The following RUNX1T1 variants were observed in gnomAD, a reference collection of about 807,000 sequenced individuals.
The protein encoded by RUNX1T1 is RUNX1 partner transcriptional co-repressor 1.
RUNX1T1 carries 4 observed loss-of-function variants against 62.8 expected under a neutral mutation model. That is an observed-to-expected ratio of 0.06 (90% confidence interval 0.03 to 0.15). The LOEUF (loss-of-function observed/expected upper bound fraction) is 0.15, where lower values mean the gene tolerates loss of function less well. Ranked by LOEUF, RUNX1T1 falls within the 10% of genes least tolerant of loss-of-function variation. RUNX1T1 has a pLI of 1.00. For synonymous variants in RUNX1T1, 291 were observed against 286.0 expected, an observed-to-expected ratio of 1.02 and a Z score of -0.18; for missense variants, 508 against 754.3, an observed-to-expected ratio of 0.67 and a Z score of 3.82.
downstream of RUNX1T1, chr8:91,955,177 C>T (rs1432849725): frequency 1.8e-5 from 4 of 216,612 alleles, no homozygotes; most frequent in Non-Finnish European, 3.7e-5. Context: ...AAGTCTCATA[C>T]TGTTCGCGTA....
chr8:92,077,950 T>C (rs190129805), intron 1 of RUNX1T1, among the ~76,000 whole-genome samples: 1 of 152,274 alleles, frequency 6.6e-6, no homozygotes. Context: ...ATTTGGAATA[T>C]ACTGCTTTAC....
chr8:92,095,163 C>A (rs1837605656), intron 1 of RUNX1T1: 4 of 1,535,276 alleles, frequency 2.6e-6, no homozygotes, highest in Admixed American at 2.0e-5. Flanking sequence ...TGTAAATTCT[C>A]TCCGCCAGCT....
intron 1 of RUNX1T1, among the ~76,000 whole-genome samples, chr8:92,058,919 A>G (rs778738597): frequency 2.2e-4 from 33 of 152,160 alleles, no homozygotes; most frequent in Non-Finnish European, 4.3e-4. Context: ...CCCCTTCAAG[A>G]AAAAGATTAA....
intron 1 of RUNX1T1, chr8:92,017,785 A>C: frequency 3.5e-6 from 1 of 289,116 alleles, no homozygotes; most frequent in Non-Finnish European, 5.7e-6. Flanking sequence ...TACTGGTAGG[A>C]GCCAGCTCTT....
intron 1 of RUNX1T1, chr8:92,095,667 A>T: frequency 1.2e-6 from 1 of 848,814 alleles, no homozygotes; most frequent in Non-Finnish European, 1.6e-6. Flanking sequence ...GGAGAGACAC[A>T]GGCAGGAGGG....
chr8:92,042,215 C>T lies in RUNX1T1; in HGVS notation c.7+20331G>A, dbSNP rs116669764. ...TGCTGCCTATGATATCATGATGATA[C>T]GCAGAAACAGTCCAGATAGGTTGTT... is the stretch of plus-strand genomic sequence containing the variant. On this transcript the variant is annotated intron_variant, in intron 1 of 10. Transcript: ENST00000396218. 5.3e-3 allele frequency among the ~76,000 whole-genome samples: 808 copies of T among 152,274 alleles called. 7 individuals are homozygous for T. Among genetic ancestry groups the T allele is most frequent in the African/African-American group, 0.018 (735 of 41,556 alleles).
At chr8:92,017,446 A>G in intron 1 of RUNX1T1, 83 bp from the exon 3 acceptor site, 2 of 1,603,772 alleles carry the variant, frequency 1.2e-6, no homozygotes, top group Non-Finnish European at 1.7e-6. Flanking sequence ...TTTAAAAGCA[A>G]GTGAACAGAA....
intron 10 of RUNX1T1, among the ~76,000 whole-genome samples, chr8:91,962,890 G>A (rs973833668): frequency 2.0e-5 from 3 of 152,180 alleles, no homozygotes; most frequent in African/African-American, 2.4e-5. Flanking sequence ...GCAGAGGCAC[G>A]TTTTGGCAGA....
chr8:92,071,100 C>T (rs886871635), intron 2 of RUNX1T1: 1 of 152,256 alleles, frequency 6.6e-6, no homozygotes, highest in African/African-American at 2.4e-5. Context: ...CATTACTGTG[C>T]AAATATTATT....
At chr8:92,008,388 T>TCTCACACACACACACA (rs1554617950) in intron 4 of RUNX1T1, among the ~76,000 whole-genome samples, 12 of 131,898 alleles carry the variant, frequency 9.1e-5, no homozygotes, top group African/African-American at 2.6e-4. Context: ...TCTCTCTCTC[T>TCTCACACACACACACA]CACACACACA....
Position 92,076,318 on chromosome 8 carries a change from A to G in RUNX1T1, c.-85-181T>C, listed in dbSNP as rs895717170. 2.6e-5 allele frequency among the ~76,000 whole-genome samples: 4 copies of G among 151,986 alleles called. 1 individual carries two copies. The highest frequency in any genetic ancestry group is 5.9e-5 in the Non-Finnish European group (4 of 67,958). ...AACAATCCCCATTGTCTCAGTTCCT[A>G]TCATGATGTTTTCTAAAGGACTCTT... On this transcript the variant is annotated intron_variant, in intron 1 of 11. Transcript: ENST00000265814.
At chr8:91,959,198 AG>A (rs1809844543) in exon 11 of RUNX1T1, 1 of 217,574 alleles carries the variant, frequency 4.6e-6, no homozygotes, top group African/African-American at 2.2e-5. Context: ...AAATCCAAAC[AG>A]GGTGGGGTTG....
intron 1 of RUNX1T1, among the ~76,000 whole-genome samples, chr8:92,089,586 C>T (rs117098806): frequency 6.6e-6 from 1 of 152,216 alleles, no homozygotes; most frequent in Non-Finnish European, 1.5e-5. Flanking sequence ...CCTAGCCCCT[C>T]ACTCCCACCC....
chr8:92,053,436 T>A (rs1282694390), intron 1 of RUNX1T1, among the ~76,000 whole-genome samples: 1 of 152,174 alleles, frequency 6.6e-6, no homozygotes, highest in Non-Finnish European at 1.5e-5. Context: ...GAGAGTCCAT[T>A]TCCAAAATAT....
intron 1 of RUNX1T1, among the ~76,000 whole-genome samples, chr8:92,083,107 T>C (rs1835537421): frequency 6.6e-6 from 1 of 152,228 alleles, no homozygotes; most frequent in South Asian, 2.1e-4. Context: ...TTAAAGCCCA[T>C]TTATGAACTT....
At chr8:92,049,154 C>T (rs1829862180) in intron 1 of RUNX1T1, among the ~76,000 whole-genome samples, 2 of 152,128 alleles carry the variant, frequency 1.3e-5, no homozygotes, top group Admixed American at 6.6e-5. Context: ...AATGAAAATA[C>T]ATATAAGGTG....
At chr8:92,026,499 G>A (rs967543798) in intron 1 of RUNX1T1, among the ~76,000 whole-genome samples, 3 of 152,198 alleles carry the variant, frequency 2.0e-5, no homozygotes, top group Non-Finnish European at 4.4e-5. Context: ...CTCAGTAAAC[G>A]TTAAATCTGT....
upstream of RUNX1T1, among the ~76,000 whole-genome samples, chr8:92,067,417 G>T (rs1833030453): frequency 6.6e-6 from 1 of 152,112 alleles, no homozygotes; most frequent in Non-Finnish European, 1.5e-5. Context: ...TAAAACTCAT[G>T]GTCTCAGGTC....
chr8:91,961,151 C>T (rs1220101198), intron 10 of RUNX1T1, among the ~76,000 whole-genome samples: 1 of 152,230 alleles, frequency 6.6e-6, no homozygotes, highest in African/African-American at 2.4e-5. Flanking sequence ...CCCTTTACCT[C>T]AGCTCCCTGG....
Sources: gnomAD v4.1 joint callset for allele counts (sites outside exome capture counted in the v4.1 genomes callset) on GRCh38, gnomAD v4.1.1 for gene constraint, MANE v1.5 for transcripts, NCBI Gene and HGNC (gene_info 2026-07-23, HGNC 2026-07-21) for gene names.